Variants in PPP4R3B observed in about 807,000 individuals in gnomAD.
PPP4R3B encodes protein phosphatase 4 regulatory subunit 3B.
PPP4R3B carries 52 observed loss-of-function variants against 95.4 expected under a neutral mutation model. That is an observed-to-expected ratio of 0.54 (90% CI 0.44 to 0.69). PPP4R3B has a LOEUF of 0.69. PPP4R3B is among the 30% of genes least tolerant of loss of function. The pLI, the probability that PPP4R3B is intolerant of heterozygous loss-of-function variation, is 0.00. For synonymous variants in PPP4R3B, 407 were observed against 343.9 expected (o/e 1.18, Z -2.03); for missense variants, 1,003 against 1,005.9 (o/e 1.00, Z 0.04).
intron 5 of PPP4R3B, among the ~76,000 whole-genome samples, chr2:55,587,386 C>A (rs557716238): frequency 6.6e-6 from 1 of 152,110 alleles, no homozygotes; most frequent in Non-Finnish European, 1.5e-5. Flanking sequence ...GAATTTGAGA[C>A]CAGCCTGCCC....
chr2:55,599,531 C>T lies in PPP4R3B; in HGVS notation c.298-492G>A, dbSNP rs551761693. 3.3e-5 allele frequency among the ~76,000 whole-genome samples: 5 copies of T among 151,856 alleles called. No homozygotes were observed. The East Asian group carries it at 9.6e-4, about 29-fold the overall frequency. ...CCCTGAATGACTCTCATGAGTAGGG[C>T]CCCTTCCCCTATTGGTCAAACAGCA... On this transcript the variant is annotated intron_variant, in intron 3 of 16. Transcript: ENST00000616407.
intron 1 of PPP4R3B, 142 bp downstream of exon 1, chr2:55,617,002 G>C: frequency 1.1e-6 from 1 of 880,640 alleles, no homozygotes; most frequent in East Asian, 2.6e-5. Flanking sequence ...ACAGTACTTT[G>C]TTTTTGCCGT....
chr2:55,580,511 G>T (rs1689311516), intron 8 of PPP4R3B, among the ~76,000 whole-genome samples: 1 of 152,174 alleles, frequency 6.6e-6, no homozygotes, highest in East Asian at 1.9e-4. Flanking sequence ...TTAAGCCCAT[G>T]TGATAGCAAC....
intron 2 of PPP4R3B, among the ~76,000 whole-genome samples, chr2:55,608,375 T>G (rs1693703920): frequency 6.6e-6 from 1 of 152,166 alleles, no homozygotes; most frequent in Admixed American, 6.5e-5. Flanking sequence ...GGTTTATATT[T>G]AGAGTTCTTT....
At chr2:55,553,249 G>A (rs895748355) in intron 16 of PPP4R3B, among the ~76,000 whole-genome samples, 6 of 152,204 alleles carry the variant, frequency 3.9e-5, no homozygotes, top group South Asian at 2.1e-4. Flanking sequence ...GAGCAGACAC[G>A]CCTACCCCAC....
At chr2:55,583,795 A>C (rs928169900) in intron 7 of PPP4R3B, among the ~76,000 whole-genome samples, 2 of 152,272 alleles carry the variant, frequency 1.3e-5, no homozygotes, top group African/African-American at 4.8e-5. Flanking sequence ...ACAAACATAG[A>C]AAGTATAAAT....
rs746786018 is a variant in PPP4R3B, at chr2:55,585,216, T to G, written c.1117-49A>C. 5.1e-6 allele frequency: 7 copies of G among 1,362,076 alleles called. No individual in the cohort carries two copies. The South Asian group carries it at 8.2e-5, about 16-fold the overall frequency. The allele number at this position is 1,362,076 out of a possible 1,614,324, so 84.4% of individuals were successfully genotyped here. On this transcript the variant is annotated intron_variant, in intron 6 of 16. Coordinates refer to ENST00000616407, the MANE Select transcript of PPP4R3B (RefSeq NM_001122964.3). ...CTTAGAGACTGTTAACAAAAGTTAT[T>G]CTCACATTTCTTTTTTCTTTTCCAA...
chr2:55,593,290 A>T (rs1367247345), intron 4 of PPP4R3B, among the ~76,000 whole-genome samples: 2 of 152,178 alleles, frequency 1.3e-5, no homozygotes, highest in Non-Finnish European at 2.9e-5. Context: ...CATGCTTAAG[A>T]TATTGTCAAC....
At chr2:55,579,109 T>C (rs931979863) in intron 9 of PPP4R3B, among the ~76,000 whole-genome samples, 6 of 152,070 alleles carry the variant, frequency 3.9e-5, no homozygotes, top group Admixed American at 1.3e-4. Context: ...AAAAAATTTT[T>C]AGATTTTCAC....
chr2:55,557,046 G>C (rs1389589975), intron 16 of PPP4R3B, among the ~76,000 whole-genome samples: 1 of 151,756 alleles, frequency 6.6e-6, no homozygotes, highest in East Asian at 1.9e-4. Context: ...CTGGGTGACA[G>C]AGTGAGACTC....
At chr2:55,579,921 A>T (rs1574784873) in intron 8 of PPP4R3B, 140 bp from the exon 9 acceptor site, 3 of 258,536 alleles carry the variant, frequency 1.2e-5, no homozygotes, top group Non-Finnish European at 1.9e-5. Flanking sequence ...CAGATACTTT[A>T]AAATACTGTG....
intron 9 of PPP4R3B, 145 bp from the exon 10 acceptor site, chr2:55,578,487 A>G (rs991843696): frequency 1.7e-5 from 15 of 865,618 alleles, no homozygotes; most frequent in Admixed American, 1.3e-4. Context: ...ATTTATATAA[A>G]TGGAACCATT....
At chr2:55,564,721 G>T (rs765383133) in intron 14 of PPP4R3B, among the ~76,000 whole-genome samples, 181 bp downstream of exon 14, 3 of 152,144 alleles carry the variant, frequency 2.0e-5, no homozygotes, top group Non-Finnish European at 4.4e-5. Context: ...TTACAACATG[G>T]AGTAGTAATT....
rs753992351 is a variant in PPP4R3B at position 55,564,888 on chromosome 2, T to C, written c.2075+14A>G. On this transcript the variant is annotated intron_variant, in intron 14 of 16. Transcript: ENST00000616407. ...AGTTTTGTAGGCTATAAAAGCAGTA[T>C]ACTTAAACAATACCTGTTCAGTTTC... 8 of 1,605,654 alleles carry C rather than the reference T, an allele frequency of 5.0e-6. No homozygotes were observed. The highest frequency in any genetic ancestry group is 3.5e-5 in the Admixed American group (2 of 57,784).
Position 55,598,401 on chromosome 2 carries a change from T to C in PPP4R3B, c.921+15A>G. On this transcript the variant is annotated intron_variant, in intron 4 of 16. Transcript: ENST00000616407. The stretch of plus-strand genomic sequence containing the variant: ...ATCTGAAAAATGGAATCGTGAAGAG[T>C]ATCTTTTTACTTACCTGCAACATGC... The C allele has an allele frequency of 1.2e-6, 2 of 1,607,876 alleles. No homozygotes were observed. The highest frequency in any genetic ancestry group is 2.2e-5 in the South Asian group (2 of 89,976).
At chr2:55,580,098 G>A (rs980160179) in intron 8 of PPP4R3B, among the ~76,000 whole-genome samples, 2 of 152,082 alleles carry the variant, frequency 1.3e-5, no homozygotes, top group Admixed American at 6.5e-5. Flanking sequence ...GTTTTTCTGA[G>A]GAAAATTATT....
intron 2 of PPP4R3B, among the ~76,000 whole-genome samples, chr2:55,609,667 CA>C (rs58617547): frequency 0.36 from 37,458 of 103,312 alleles, 5,320 homozygotes; most frequent in East Asian, 0.83. Context: ...GACTGTGTCT[CA>C]AAAAAAAAAA....
rs55903439 is a variant in PPP4R3B, at chr2:55,576,126, C to T, written c.1606+1189G>A. 7.6e-3 allele frequency among the ~76,000 whole-genome samples: 1,149 copies of T among 152,086 alleles called. 22 individuals carry two copies. The highest frequency in any genetic ancestry group is 0.026 in the African/African-American group (1,086 of 41,494). ...CTTTGGGAGGCCAAGGTGGGTGGAT[C>T]GCCTGAGGTCAGGAGTTTGAGACCA... is the stretch of plus-strand genomic sequence containing the variant. On this transcript the variant is annotated intron_variant, in intron 11 of 16. Coordinates refer to ENST00000616407, the MANE Select transcript of PPP4R3B (RefSeq NM_001122964.3).
rs1186113040 is a variant in PPP4R3B at position 55,547,380 on chromosome 2, A to G, written c.*2531T>C. 6.6e-6 allele frequency: 1 copy of G among 152,224 alleles called. No homozygotes were observed. The highest frequency in any genetic ancestry group is 1.5e-5 in the Non-Finnish European group (1 of 68,040). The allele number at this position is 152,224 out of a possible 1,614,324, so 9.4% of individuals were successfully genotyped here. A position where few individuals can be genotyped will look rare whatever the true frequency, so the allele number is the denominator to read the frequency against. On this transcript the variant is annotated 3_prime_UTR_variant, in exon 17 of 17. Coordinates refer to ENST00000616407, the MANE Select transcript of PPP4R3B (RefSeq NM_001122964.3). ...TTTTAAGAAGACCTAAGGCATACAA[A>G]TGTGGGCTTTTGGCTTGCTTCACTG...
Sources: allele counts gnomAD v4.1 joint callset (sites outside exome capture counted in the v4.1 genomes callset), GRCh38; gene constraint gnomAD v4.1.1; transcripts MANE v1.5; gene names NCBI Gene and HGNC (gene_info 2026-07-23, HGNC 2026-07-21).